CEP85L: variants seen among roughly 807,000 people sequenced by gnomAD.
The protein encoded by CEP85L is centrosomal protein of 85 kDa-like.
Under a neutral mutation model 100.3 loss-of-function variants are expected in CEP85L, and 60 were observed. The observed-to-expected ratio is 0.60, with a 90% CI of 0.49 to 0.74. The LOEUF is 0.74. Ranked by LOEUF, CEP85L falls within the 30% of genes least tolerant of loss-of-function variation. The pLI, the probability that CEP85L is intolerant of heterozygous loss-of-function variation, is 0.00. For synonymous variants in CEP85L, 319 were observed against 322.7 expected (o/e 0.99, Z 0.12); for missense variants, 973 against 936.2 (o/e 1.04, Z -0.51).
intron 1 of CEP85L, among the ~76,000 whole-genome samples, chr6:118,649,496 A>C (rs1432906893): frequency 6.6e-6 from 1 of 152,214 alleles, no homozygotes; most frequent in African/African-American, 2.4e-5. Context: ...ACCATGCCTC[A>C]GTGATATACC....
In CEP85L at chr6:118,600,300, G is replaced by GGGGGGGTGTGTGT. The variant is rs1562297733; in HGVS notation, c.232+32152_232+32153insACACACACCCCCC. ...CTGCCTGTCCCTGAGCCTTCCTGGG[G>GGGGGGGTGTGTGT]GTGTGTGTGTGTGTGTGTGTGTGTG... On this transcript the variant is annotated intron_variant, in intron 2 of 12. Coordinates refer to ENST00000368491, the MANE Select transcript of CEP85L (RefSeq NM_001042475.3). 2.3e-4 allele frequency among the ~76,000 whole-genome samples: 12 copies of GGGGGGGTGTGTGT among 52,246 alleles called. 1 individual carries two copies. Among genetic ancestry groups the GGGGGGGTGTGTGT allele is most frequent in the Middle Eastern group, 0.01 (1 of 96 alleles). The allele number at this position is 52,246 out of a possible 152,430, so 34.3% of individuals were successfully genotyped here.
intron 2 of CEP85L, among the ~76,000 whole-genome samples, chr6:118,611,572 G>C (rs1000442809): frequency 3.9e-5 from 6 of 152,150 alleles, no homozygotes; most frequent in African/African-American, 1.2e-4. Flanking sequence ...TGGCACAGCA[G>C]ATTGATGAGA....
chr6:118,663,047 G>A (rs1387277140), intron 1 of CEP85L, among the ~76,000 whole-genome samples: 4 of 150,102 alleles, frequency 2.7e-5, no homozygotes, highest in Admixed American at 2.0e-4. Context: ...TAATTTTCAT[G>A]GTAAAAAAAA....
chr6:118,495,099 C>A (rs1774834201), intron 5 of CEP85L, among the ~76,000 whole-genome samples: 1 of 149,224 alleles, frequency 6.7e-6, no homozygotes, highest in African/African-American at 2.5e-5. Context: ...GATATGATGA[C>A]AGAAACTTCC....
chr6:118,495,911 T>C (rs1283213619), intron 5 of CEP85L, among the ~76,000 whole-genome samples: 1 of 152,212 alleles, frequency 6.6e-6, no homozygotes, highest in Non-Finnish European at 1.5e-5. Flanking sequence ...CAAGGCTTGC[T>C]TTTGTGTGAT....
chr6:118,671,855 T>C (rs967403889), intron 1 of CEP85L, among the ~76,000 whole-genome samples: 1 of 152,154 alleles, frequency 6.6e-6, no homozygotes, highest in Non-Finnish European at 1.5e-5. Flanking sequence ...CGATAATTGC[T>C]TGAACACAGA....
chr6:118,641,596 G>A (rs557089368), intron 1 of CEP85L, among the ~76,000 whole-genome samples: 203 of 152,138 alleles, frequency 1.3e-3, no homozygotes, highest in African/African-American at 4.3e-3. Flanking sequence ...TGATTTTTTC[G>A]TATGGGTATG....
chr6:118,539,157 T>A (rs1777766564), intron 3 of CEP85L, among the ~76,000 whole-genome samples: 1 of 152,178 alleles, frequency 6.6e-6, no homozygotes, highest in Admixed American at 6.5e-5. Context: ...AATCAAGTCT[T>A]TATCATATTT....
intron 2 of CEP85L, among the ~76,000 whole-genome samples, chr6:118,622,401 T>C (rs1326244926): frequency 2.0e-5 from 3 of 152,196 alleles, no homozygotes; most frequent in Non-Finnish European, 2.9e-5. Context: ...CACCAAATTA[T>C]TGCCCAGACT....
intron 5 of CEP85L, among the ~76,000 whole-genome samples, chr6:118,500,955 A>G (rs1775260178): frequency 6.6e-6 from 1 of 152,072 alleles, no homozygotes; most frequent in Non-Finnish European, 1.5e-5. Context: ...CATTCTCCAC[A>G]TGGTCTTGAT....
chr6:118,649,483 G>A (rs1164332772), intron 1 of CEP85L, among the ~76,000 whole-genome samples: 1 of 152,074 alleles, frequency 6.6e-6, no homozygotes, highest in African/African-American at 2.4e-5. Context: ...ATGAAAAATA[G>A]ACACCATGCC....
chr6:118,614,865 C>CAGACAGACAGAT (rs781072805), intron 2 of CEP85L, among the ~76,000 whole-genome samples: 1,846 of 149,940 alleles, frequency 0.012, 14 homozygotes, highest in Middle Eastern at 0.021. Flanking sequence ...GACAGACAGA[C>CAGACAGACAGAT]AGATAGATAG....
At chr6:118,598,569 GGA>G (rs1443338626) in intron 2 of CEP85L, among the ~76,000 whole-genome samples, 1 of 152,080 alleles carries the variant, frequency 6.6e-6, no homozygotes, top group African/African-American at 2.4e-5. Context: ...GACAAAGACT[GGA>G]GTTATGGTGC....
At chr6:118,499,466 C>T (rs1775133917) in intron 5 of CEP85L, among the ~76,000 whole-genome samples, 1 of 151,988 alleles carries the variant, frequency 6.6e-6, no homozygotes, top group Admixed American at 6.6e-5. Context: ...GAGTTTGAGA[C>T]CAGCCTGGCC....
In CEP85L at chr6:118,629,267, T is replaced by C. The variant is rs902317856; in HGVS notation, c.232+3186A>G. Among the ~76,000 whole-genome samples the C allele has an allele frequency of 4.6e-5, 7 of 152,284 alleles. No homozygotes were observed. In the South Asian group the frequency reaches 1.2e-3, roughly 27 times the overall value. On this transcript the variant is annotated intron_variant, in intron 2 of 12. Coordinates refer to ENST00000368491, the MANE Select transcript of CEP85L (RefSeq NM_001042475.3). ...TCCACAATACCAAAGGATGTCTTTA[T>C]TTGCAAAAGACATGTTCGATAAAGG...
intron 3 of CEP85L, among the ~76,000 whole-genome samples, chr6:118,553,891 T>G (rs930176969): frequency 6.6e-6 from 1 of 152,232 alleles, no homozygotes; most frequent in Non-Finnish European, 1.5e-5. Context: ...AAGCCTCATT[T>G]TTCTCACCTG....
chr6:118,674,947 A>G (rs761895335), intron 1 of CEP85L, among the ~76,000 whole-genome samples: 7 of 152,230 alleles, frequency 4.6e-5, no homozygotes, highest in Non-Finnish European at 8.8e-5. Flanking sequence ...TGACTTAGCA[A>G]TTCTACTCCC....
chr6:118,601,125 C>T (rs1781764971), intron 2 of CEP85L, among the ~76,000 whole-genome samples: 1 of 152,150 alleles, frequency 6.6e-6, no homozygotes, highest in Admixed American at 6.5e-5. Context: ...AGCTATTTAG[C>T]CTCTTAGTCT....
chr6:118,516,588 T>C (rs890767950), intron 4 of CEP85L, among the ~76,000 whole-genome samples: 1 of 152,222 alleles, frequency 6.6e-6, no homozygotes, highest in Non-Finnish European at 1.5e-5. Context: ...ACCCACTTTT[T>C]GATGTGGTTG....
Sources: gnomAD v4.1 joint callset for allele counts (sites outside exome capture counted in the v4.1 genomes callset) on GRCh38, gnomAD v4.1.1 for gene constraint, MANE v1.5 for transcripts, NCBI Gene and HGNC (gene_info 2026-07-23, HGNC 2026-07-21) for gene names.